Variants in DLG2 observed in about 807,000 individuals in gnomAD.
DLG2 encodes the protein disks large homolog 2.
In DLG2, 45 loss-of-function variants were observed where a neutral mutation model predicts 132.5. The ratio of observed to expected loss-of-function variants is 0.34; its 90% CI spans 0.27 to 0.44. The LOEUF (loss-of-function observed/expected upper bound fraction) is 0.44, where lower values mean the gene tolerates loss of function less well. Among genes scored for constraint, DLG2 ranks in the 20% least tolerant of loss-of-function variants. DLG2 has a pLI of 1.00. For synonymous variants in DLG2, 424 were observed against 419.6 expected (o/e 1.01, Z -0.13); for missense variants, 1,045 against 1,196.9 (o/e 0.87, Z 1.87).
At chr11:85,460,848 T>C (rs1334011229) in intron 3 of DLG2, among the ~76,000 whole-genome samples, 1 of 152,218 alleles carries the variant, frequency 6.6e-6, no homozygotes. Flanking sequence ...GTAATTTATG[T>C]ATATTTGTGA....
rs993316854 is a variant in DLG2 at position 84,131,653 on chromosome 11, C to T, written c.624+31808G>A. Among the ~76,000 whole-genome samples the T allele has an allele frequency of 4.0e-5, 6 of 151,758 alleles. No individual in the cohort carries two copies. In the Admixed American group the frequency reaches 4.0e-4, roughly 10 times the overall value. ...ATGGGAGATGCAGATGGAAAGGTGA[C>T]TCAGTTGTAATCACAATGGGCCTTA... On this transcript the variant is annotated intron_variant, in intron 9 of 27. Coordinates refer to ENST00000376104, the MANE Select transcript of DLG2 (RefSeq NM_001142699.3).
chr11:84,464,404 C>A (rs2099088594), intron 7 of DLG2, among the ~76,000 whole-genome samples: 1 of 151,060 alleles, frequency 6.6e-6, no homozygotes, highest in Non-Finnish European at 1.5e-5. Context: ...GAGTACTAAC[C>A]CTAGCTTTGT....
Position 83,734,614 on chromosome 11 carries a change from C to G in DLG2, c.1825+52076G>C, listed in dbSNP as rs374419724. ...TACAGGCACAGGCTACAATGCCAGGCTATTTTTTTGTATTTTAGTAGAGAT... is the reference window on the plus strand; with the variant it reads ...TACAGGCACAGGCTACAATGCCAGGGTATTTTTTTGTATTTTAGTAGAGAT... On this transcript the variant is annotated intron_variant, in intron 18 of 27. Coordinates refer to ENST00000376104, the MANE Select transcript of DLG2 (RefSeq NM_001142699.3). Among the ~76,000 whole-genome samples the G allele has an allele frequency of 3.9e-5, 6 of 152,176 alleles. No individual in the cohort carries two copies. The South Asian group carries it at 8.3e-4, about 21-fold the overall frequency.
chr11:84,954,156 C>T (rs1331665900), intron 6 of DLG2, among the ~76,000 whole-genome samples: 1 of 152,122 alleles, frequency 6.6e-6, no homozygotes, highest in Non-Finnish European at 1.5e-5. Flanking sequence ...TCTCTATCTA[C>T]TTTAAGCCTA....
chr11:85,503,350 A>T (rs955156639), intron 3 of DLG2, among the ~76,000 whole-genome samples: 2 of 152,080 alleles, frequency 1.3e-5, no homozygotes, highest in Admixed American at 1.3e-4. Context: ...GCCACTTCTC[A>T]ACTCTTTGAT....
chr11:84,382,328 G>A (rs557790668), intron 7 of DLG2, among the ~76,000 whole-genome samples: 1 of 152,034 alleles, frequency 6.6e-6, no homozygotes, highest in South Asian at 2.1e-4. Context: ...TGATCAAATA[G>A]GTATCAGGCC....
chr11:84,212,577 T>C (rs1053533446), intron 8 of DLG2, among the ~76,000 whole-genome samples: 3 of 152,212 alleles, frequency 2.0e-5, no homozygotes, highest in African/African-American at 7.2e-5. Flanking sequence ...CAAATAAGCC[T>C]TTGAGTTTTC....
At chr11:83,582,831 T>C (rs1187137976) in intron 19 of DLG2, among the ~76,000 whole-genome samples, 1 of 152,250 alleles carries the variant, frequency 6.6e-6, no homozygotes, top group Non-Finnish European at 1.5e-5. Context: ...AAATAATGTA[T>C]AGAAAACATC....
intron 8 of DLG2, among the ~76,000 whole-genome samples, chr11:84,207,210 T>C (rs1390569393): frequency 3.9e-5 from 6 of 151,912 alleles, no homozygotes; most frequent in Non-Finnish European, 7.4e-5. Flanking sequence ...TGTAGAGAGG[T>C]AAATTATTTT....
At chr11:84,707,494 T>C (rs1379741197) in intron 6 of DLG2, among the ~76,000 whole-genome samples, 1 of 151,568 alleles carries the variant, frequency 6.6e-6, no homozygotes, top group Non-Finnish European at 1.5e-5. Flanking sequence ...ACTTCTGAAG[T>C]GGAATGGAAA....
intron 8 of DLG2, among the ~76,000 whole-genome samples, chr11:84,178,981 C>T (rs886613026): frequency 2.0e-5 from 3 of 151,810 alleles, no homozygotes; most frequent in African/African-American, 4.8e-5. Context: ...TATGATGATC[C>T]ATACATAAGA....
chr11:84,382,917 A>G (rs2098753924), intron 7 of DLG2, among the ~76,000 whole-genome samples: 1 of 151,810 alleles, frequency 6.6e-6, no homozygotes, highest in African/African-American at 2.4e-5. Flanking sequence ...TACTGCTTGA[A>G]TTCAGTCTTC....
At chr11:84,827,675 T>TAAAA (rs1419837651) in intron 6 of DLG2, among the ~76,000 whole-genome samples, 2 of 3,596 alleles carry the variant, frequency 5.6e-4, no homozygotes, top group South Asian at 0.013. Flanking sequence ...GTACATACAG[T>TAAAA]CAAAAAAAAA....
intron 6 of DLG2, among the ~76,000 whole-genome samples, chr11:84,579,284 T>A (rs1275718946): frequency 1.3e-5 from 2 of 152,112 alleles, no homozygotes; most frequent in African/African-American, 2.4e-5. Context: ...ATGATTTTTC[T>A]TTTGTAAAAA....
At chr11:84,726,092 G>A (rs1300206775) in intron 6 of DLG2, among the ~76,000 whole-genome samples, 5 of 151,742 alleles carry the variant, frequency 3.3e-5, no homozygotes, top group African/African-American at 1.2e-4. Flanking sequence ...CCCCATAATT[G>A]TCAACCCTTT....
chr11:84,118,767 C>A (rs993749044), intron 9 of DLG2, among the ~76,000 whole-genome samples: 2 of 152,136 alleles, frequency 1.3e-5, no homozygotes, highest in African/African-American at 4.8e-5. Context: ...TTTTATGATT[C>A]TGCCACCAAA....
intron 22 of DLG2, among the ~76,000 whole-genome samples, chr11:83,479,639 C>T (rs11233632): frequency 0.55 from 82,977 of 151,882 alleles, 23,042 homozygotes; most frequent in Middle Eastern, 0.67. Flanking sequence ...AGGATGTGAT[C>T]GGTGTTTGGT....
At chr11:84,038,142 C>A (rs528768525) in intron 11 of DLG2, among the ~76,000 whole-genome samples, 2 of 151,932 alleles carry the variant, frequency 1.3e-5, no homozygotes, top group Non-Finnish European at 2.9e-5. Context: ...TTCCACTAGG[C>A]CCCAGTGTGG....
At chr11:84,553,798 A>G (rs957324190) in intron 6 of DLG2, among the ~76,000 whole-genome samples, 1 of 152,260 alleles carries the variant, frequency 6.6e-6, no homozygotes, top group Non-Finnish European at 1.5e-5. Context: ...GTTACAATAT[A>G]GATAAGTTTG....
Sources: gnomAD v4.1 joint callset for allele counts (sites outside exome capture counted in the v4.1 genomes callset) on GRCh38, gnomAD v4.1.1 for gene constraint, MANE v1.5 for transcripts, NCBI Gene and HGNC (gene_info 2026-07-23, HGNC 2026-07-21) for gene names.